Variants in GPC5 observed in about 807,000 individuals in gnomAD.
GPC5 encodes glypican-5.
In GPC5, 47 loss-of-function variants were observed where a neutral mutation model predicts 53.9. The ratio of observed to expected loss-of-function variants is 0.87; its 90% CI spans 0.69 to 1.11. The LOEUF is 1.11. Ranked by LOEUF, GPC5 falls within the 50% of genes most tolerant of loss-of-function variation. The pLI, the probability that GPC5 is intolerant of heterozygous loss-of-function variation, is 0.00. For missense variants in GPC5, 748 were observed against 713.1 expected, an observed-to-expected ratio of 1.05 and a Z score of -0.56; for synonymous variants, 286 against 263.3, an observed-to-expected ratio of 1.09 and a Z score of -0.84.
chr13:92,414,500 G>C (rs1012469833), intron 7 of GPC5, among the ~76,000 whole-genome samples: 1 of 109,392 alleles, frequency 9.1e-6, no homozygotes, highest in African/African-American at 4.2e-5. Context: ...GCGAGACTCT[G>C]TCTCAAAAAA....
chr13:91,497,812 T>G (rs1030142938), intron 2 of GPC5, among the ~76,000 whole-genome samples: 1 of 152,148 alleles, frequency 6.6e-6, no homozygotes, highest in African/African-American at 2.4e-5. Flanking sequence ...TTCTTTTAAA[T>G]TATCGTGGGT....
intron 1 of GPC5, among the ~76,000 whole-genome samples, chr13:91,429,255 C>T (rs1241200993): frequency 6.6e-6 from 1 of 152,150 alleles, no homozygotes; most frequent in Non-Finnish European, 1.5e-5. Flanking sequence ...TTTAGTTACT[C>T]TTCAAGGCAA....
intron 7 of GPC5, among the ~76,000 whole-genome samples, chr13:92,450,786 G>A (rs985314492): frequency 2.0e-5 from 3 of 152,156 alleles, no homozygotes; most frequent in Non-Finnish European, 2.9e-5. Flanking sequence ...TCAAGCTTCC[G>A]GAAGAGTCTC....
chr13:92,698,260 C>T (rs1887619009), intron 7 of GPC5, among the ~76,000 whole-genome samples: 1 of 150,084 alleles, frequency 6.7e-6, no homozygotes, highest in Non-Finnish European at 1.5e-5. Context: ...TGGTGTGCTG[C>T]ACCCATTAAC....
intron 6 of GPC5, among the ~76,000 whole-genome samples, chr13:91,970,093 A>G (rs1037864724): frequency 1.3e-5 from 2 of 152,210 alleles, no homozygotes; most frequent in Non-Finnish European, 2.9e-5. Flanking sequence ...TATTTAAAAA[A>G]GAGGGAAATT....
chr13:92,381,399 G>A (rs9523650), intron 7 of GPC5, among the ~76,000 whole-genome samples: 7 of 151,902 alleles, frequency 4.6e-5, no homozygotes, highest in African/African-American at 1.5e-4. Flanking sequence ...TTGCATTTCC[G>A]TGATCATTAA....
intron 7 of GPC5, among the ~76,000 whole-genome samples, chr13:92,625,897 G>A (rs1342862430): frequency 6.6e-6 from 1 of 152,150 alleles, no homozygotes; most frequent in Non-Finnish European, 1.5e-5. Flanking sequence ...ATGGGTCAAA[G>A]CCTTAATTAA....
intron 2 of GPC5, among the ~76,000 whole-genome samples, chr13:91,552,488 C>A (rs2030700020): frequency 6.6e-6 from 1 of 152,050 alleles, no homozygotes; most frequent in East Asian, 1.9e-4. Flanking sequence ...GCTGAGAGCC[C>A]TGAACAGAGA....
chr13:92,302,880 T>G (rs1728742040), intron 7 of GPC5, among the ~76,000 whole-genome samples: 1 of 152,220 alleles, frequency 6.6e-6, no homozygotes, highest in Non-Finnish European at 1.5e-5. Flanking sequence ...CTCCTTTTAT[T>G]CTTATGGGAG....
At chr13:92,560,855 ATATG>A (rs1158929754) in intron 7 of GPC5, among the ~76,000 whole-genome samples, 7 of 86,554 alleles carry the variant, frequency 8.1e-5, no homozygotes, top group African/African-American at 2.0e-4. Context: ...ATAGAAAATT[ATATG>A]TGTGTGTGTG....
At chr13:92,145,142 T>C (rs1025653188) in intron 7 of GPC5, among the ~76,000 whole-genome samples, 153 bp downstream of exon 7, 4 of 152,156 alleles carry the variant, frequency 2.6e-5, no homozygotes, top group African/African-American at 9.7e-5. Flanking sequence ...TTTTAGGACA[T>C]ACATTCTTGG....
At chr13:91,896,207 C>A (rs1023957886) in intron 5 of GPC5, among the ~76,000 whole-genome samples, 7 of 151,466 alleles carry the variant, frequency 4.6e-5, no homozygotes, top group Admixed American at 3.9e-4. Flanking sequence ...GCAACCTCCA[C>A]CTCCCGGGTT....
intron 7 of GPC5, among the ~76,000 whole-genome samples, chr13:92,411,542 G>A (rs894106547): frequency 2.6e-5 from 4 of 152,130 alleles, no homozygotes; most frequent in Non-Finnish European, 4.4e-5. Flanking sequence ...TGGACCTTAT[G>A]TTTATCAGGA....
At chr13:92,489,782 G>C (rs762216977) in intron 7 of GPC5, among the ~76,000 whole-genome samples, 2 of 151,940 alleles carry the variant, frequency 1.3e-5, no homozygotes, top group Non-Finnish European at 2.9e-5. Flanking sequence ...GGTACAGACA[G>C]AGCTGGGACT....
At chr13:92,038,011 C>G (rs1053504235) in intron 6 of GPC5, among the ~76,000 whole-genome samples, 1 of 151,912 alleles carries the variant, frequency 6.6e-6, no homozygotes, top group African/African-American at 2.4e-5. Flanking sequence ...ACAGAGAAAC[C>G]CACTTAGGTT....
intron 7 of GPC5, among the ~76,000 whole-genome samples, chr13:92,774,413 C>T (rs1261289186): frequency 6.6e-6 from 1 of 152,078 alleles, no homozygotes; most frequent in Non-Finnish European, 1.5e-5. Flanking sequence ...TAGTTTTTCC[C>T]AGGTTTCTGA....
At chr13:92,265,002 A>G (rs1375750676) in intron 7 of GPC5, among the ~76,000 whole-genome samples, 1 of 151,202 alleles carries the variant, frequency 6.6e-6, no homozygotes, top group Non-Finnish European at 1.5e-5. Context: ...TTAGGGCATG[A>G]ATGGTGAGGT....
At position 91,508,567 on chromosome 13, in the gene GPC5, G is replaced by T. The variant is rs77363689; in HGVS notation, c.325+59645G>T. 6.8e-3 allele frequency among the ~76,000 whole-genome samples: 1,041 copies of T among 152,258 alleles called. 6 individuals are homozygous for T. Among genetic ancestry groups the T allele is most frequent in the African/African-American group, 0.015 (603 of 41,554 alleles). ...AAAGCAAGTTTTAACTCAGTAGAAG[G>T]AGGACATGAAGTTCTATTTATTAAG... On this transcript the variant is annotated intron_variant, in intron 2 of 7. Transcript: ENST00000377067.
In GPC5 at chr13:92,560,448, C is replaced by T. The variant is rs781705704; in HGVS notation, c.1562-305834C>T. On this transcript the variant is annotated intron_variant, in intron 7 of 7. Transcript: ENST00000377067. ...TTCTGCTTTTTAACAAGCAGATAAA[C>T]CAGAAAGTCTCTGAATGGGCTGCAG... Among the ~76,000 whole-genome samples the T allele has an allele frequency of 7.9e-5, 12 of 151,952 alleles. No individual in the cohort carries two copies. In the South Asian group the frequency reaches 1.9e-3, roughly 24 times the overall value.
Sources: gnomAD v4.1 joint callset for allele counts (sites outside exome capture counted in the v4.1 genomes callset) on GRCh38, gnomAD v4.1.1 for gene constraint, MANE v1.5 for transcripts, NCBI Gene and HGNC (gene_info 2026-07-23, HGNC 2026-07-21) for gene names.